PCDHGB2: variants seen among roughly 807,000 people sequenced by gnomAD.
PCDHGB2 encodes the protein protocadherin gamma-B2.
A neutral mutation model predicts 59.3 loss-of-function variants in PCDHGB2; 55 were observed. The observed-to-expected ratio is 0.93, with a 90% confidence interval of 0.75 to 1.16. The LOEUF (loss-of-function observed/expected upper bound fraction) is 1.16. Ranked by LOEUF, PCDHGB2 falls within the 50% of genes most tolerant of loss-of-function variation. The pLI is 0.00. For missense variants in PCDHGB2, 1,228 were observed against 1,198.5 expected (o/e 1.02, Z -0.36); for synonymous variants, 516 against 512.0 (o/e 1.01, Z -0.11).
Position 141,431,473 on chromosome 5 carries a change from C to A in PCDHGB2, c.2422-63334C>A, listed in dbSNP as rs750300971. 16 of 1,613,714 alleles carry A rather than the reference C, an allele frequency of 9.9e-6. 1 individual carries two copies. The highest frequency in any genetic ancestry group is 9.3e-5 in the African/African-American group (7 of 74,948). On this transcript the variant is annotated intron_variant, in intron 1 of 3. Transcript: ENST00000522605. This position sits in a 1 kb window ranked among gnomAD's most constrained non-coding sequence, Gnocchi z 4.8. Reference sequence around the variant, plus strand: ...TGATGGTTCTGGATGCGAACGACAACGCACCAGCGTTTGCTCAGCCCGAGT... The same window carrying A: ...TGATGGTTCTGGATGCGAACGACAAAGCACCAGCGTTTGCTCAGCCCGAGT...
chr5:141,436,393 A>G (rs560164691), intron 1 of PCDHGB2, among the ~76,000 whole-genome samples: 2 of 152,342 alleles, frequency 1.3e-5, no homozygotes, highest in South Asian at 4.1e-4. Context: ...GCTTTATTAA[A>G]TAGTTGTTGA....
chr5:141,375,418 C>T, intron 1 of PCDHGB2: 2 of 1,613,972 alleles, frequency 1.2e-6, no homozygotes, highest in Non-Finnish European at 1.7e-6. Context: ...TGGCAGACAC[C>T]AACGACAACC....
chr5:141,499,191 C>A (rs920773306), intron 2 of PCDHGB2, among the ~76,000 whole-genome samples: 1 of 152,116 alleles, frequency 6.6e-6, no homozygotes, highest in Non-Finnish European at 1.5e-5. Context: ...ACCATTTCCC[C>A]CTTCTTAGGC....
At chr5:141,467,059 T>C (rs1157689140) in intron 1 of PCDHGB2, among the ~76,000 whole-genome samples, 2 of 151,064 alleles carry the variant, frequency 1.3e-5, no homozygotes, top group African/African-American at 2.4e-5. Context: ...TGTTTTCTTT[T>C]TTTTTTTTTT....
chr5:141,461,072 A>C (rs555905734), intron 1 of PCDHGB2, among the ~76,000 whole-genome samples: 1 of 151,688 alleles, frequency 6.6e-6, no homozygotes, highest in African/African-American at 2.4e-5. Context: ...ACATTTTTGC[A>C]ATTGTGAATT....
chr5:141,414,723 C>A (rs775890033), intron 1 of PCDHGB2: 2 of 1,614,170 alleles, frequency 1.2e-6, no homozygotes, highest in South Asian at 2.2e-5. Flanking sequence ...CAGACACTGG[C>A]GTCCTGTATG....
At position 141,490,742 on chromosome 5, in the gene PCDHGB2, C is replaced by A. The variant is rs1281337347; in HGVS notation, c.2422-4065C>A. 1.2e-6 allele frequency: 2 copies of A among 1,614,062 alleles called. No homozygotes were observed. Among genetic ancestry groups the A allele is most frequent in the Non-Finnish European group, 1.7e-6 (2 of 1,180,022 alleles). On this transcript the variant is annotated intron_variant, in intron 1 of 3. Coordinates refer to ENST00000522605, the MANE Select transcript of PCDHGB2 (RefSeq NM_018923.3). This position sits in a 1 kb window ranked among gnomAD's most constrained non-coding sequence, Gnocchi z 5.4. ...ATTGTAGGAAATCAGGTTCAGGGAGCCCCAGCCTCCTCCTTTGTGTATGTC... is the reference window on the plus strand; with the variant it reads ...ATTGTAGGAAATCAGGTTCAGGGAGACCCAGCCTCCTCCTTTGTGTATGTC...
chr5:141,498,684 C>T (rs1255085852), intron 2 of PCDHGB2, among the ~76,000 whole-genome samples: 1 of 152,192 alleles, frequency 6.6e-6, no homozygotes, highest in South Asian at 2.1e-4. Flanking sequence ...GTAATCCCAG[C>T]ACTTTGGGAG....
At position 141,490,954 on chromosome 5, in the gene PCDHGB2, G is replaced by A. The variant is rs749646808; in HGVS notation, c.2422-3853G>A. On this transcript the variant is annotated intron_variant, in intron 1 of 3. Coordinates refer to ENST00000522605, the MANE Select transcript of PCDHGB2 (RefSeq NM_018923.3). This position sits in a 1 kb window ranked among gnomAD's most constrained non-coding sequence, Gnocchi z 5.4. ...TGTGCTGCACCCACGGCCAGACTGGGAACACTCAGCCCCCCAGCGTCTCCC... is the reference window on the plus strand; with the variant it reads ...TGTGCTGCACCCACGGCCAGACTGGAAACACTCAGCCCCCCAGCGTCTCCC... 9 of 1,613,662 alleles carry A rather than the reference G, an allele frequency of 5.6e-6. No individual in the cohort carries two copies. The African/African-American group carries it at 8.0e-5, about 14-fold the overall frequency.
chr5:141,426,614 G>T (rs1468159807), intron 1 of PCDHGB2: 25 of 385,508 alleles, frequency 6.5e-5, no homozygotes, highest in Non-Finnish European at 1.3e-4. Context: ...TTGTAGCAGA[G>T]AATCCTCTAA....
intron 1 of PCDHGB2, chr5:141,364,798 C>T (rs1290164632): frequency 2.5e-6 from 4 of 1,613,890 alleles, no homozygotes; most frequent in Non-Finnish European, 3.4e-6. Context: ...TGCTTCCCTT[C>T]GCGCGGGATG....
At chr5:141,442,689 G>A (rs966261716) in intron 1 of PCDHGB2, among the ~76,000 whole-genome samples, 1 of 152,238 alleles carries the variant, frequency 6.6e-6, no homozygotes, top group South Asian at 2.1e-4. Context: ...CAGTAGTCAG[G>A]CAGACAAGAG....
rs146748846 is a variant in PCDHGB2 at position 141,452,937 on chromosome 5, G to C, written c.2422-41870G>C. 4.0e-4 allele frequency among the ~76,000 whole-genome samples: 61 copies of C among 152,254 alleles called. No individual in the cohort carries two copies. The East Asian group carries it at 0.01, about 26-fold the overall frequency. On this transcript the variant is annotated intron_variant, in intron 1 of 3. Coordinates refer to ENST00000522605, the MANE Select transcript of PCDHGB2 (RefSeq NM_018923.3). The stretch of plus-strand genomic sequence containing the variant: ...AGTAAGAAAGAGCTGCTGAAGATTT[G>C]CTTGCAATTGGTTGTCTTTAAACTG...
intron 1 of PCDHGB2, chr5:141,375,877 G>C (rs752155500): frequency 3.1e-6 from 5 of 1,613,794 alleles, no homozygotes; most frequent in South Asian, 1.1e-5. Flanking sequence ...ACAGAGACTC[G>C]GGCCAGAACG....
chr5:141,375,065 C>T (rs1366674805), intron 1 of PCDHGB2: 36 of 1,613,814 alleles, frequency 2.2e-5, no homozygotes, highest in Middle Eastern at 1.6e-4. Context: ...GCCAGGTCTT[C>T]GAGACAGAGC....
At chr5:141,399,720 C>G (rs1217371004) in intron 1 of PCDHGB2, 2 of 1,613,306 alleles carry the variant, frequency 1.2e-6, no homozygotes, top group South Asian at 2.2e-5. Context: ...TACAGGCCCG[C>G]GACCAGGGCT....
intron 1 of PCDHGB2, among the ~76,000 whole-genome samples, chr5:141,369,547 A>G (rs1766330470): frequency 6.6e-6 from 1 of 152,196 alleles, no homozygotes; most frequent in Non-Finnish European, 1.5e-5. Context: ...TTAAAAGTAG[A>G]CACTTGGAAA....
In PCDHGB2 at chr5:141,489,734, A is replaced by G; in HGVS notation, c.2422-5073A>G. The G allele has an allele frequency of 6.2e-7, 1 of 1,614,164 alleles. No individual in the cohort carries two copies. Among genetic ancestry groups the G allele is most frequent in the Non-Finnish European group, 8.5e-7 (1 of 1,180,028 alleles). On this transcript the variant is annotated intron_variant, in intron 1 of 3. Transcript: ENST00000522605. This position sits in a 1 kb window ranked among gnomAD's most constrained non-coding sequence, Gnocchi z 4.5. ...GCCCAGGATCCGGATGTGGGCACCAATACTGTGAGCTTTTACACTCTAAGC... is the reference window on the plus strand; with the variant it reads ...GCCCAGGATCCGGATGTGGGCACCAGTACTGTGAGCTTTTACACTCTAAGC...
intron 1 of PCDHGB2, chr5:141,421,262 GGCT>G (rs748368476): frequency 2.1e-5 from 34 of 1,608,226 alleles, no homozygotes; most frequent in Admixed American, 5.1e-5. Flanking sequence ...GACCGCAGTC[GGCT>G]GCTGCTGCTG....
Sources: allele counts gnomAD v4.1 joint callset (sites outside exome capture counted in the v4.1 genomes callset), GRCh38; gene constraint gnomAD v4.1.1; non-coding constraint Gnocchi (gnomAD v3.1); transcripts MANE v1.5; gene names NCBI Gene and HGNC (gene_info 2026-07-23, HGNC 2026-07-21).